TBC1D21: variants seen among roughly 807,000 people sequenced by gnomAD.
TBC1D21 encodes the protein male germ cell Rab GTPase-activating protein.
Under a neutral mutation model 46.0 loss-of-function variants are expected in TBC1D21, and 38 were observed. The ratio of observed to expected loss-of-function variants is 0.83; its 90% CI spans 0.64 to 1.08. TBC1D21 has a LOEUF of 1.08. TBC1D21 is among the 50% of genes least tolerant of loss of function. TBC1D21 has a pLI of 0.00. For missense variants in TBC1D21, 415 were observed against 417.9 expected (o/e 0.99, Z 0.06); for synonymous variants, 151 against 157.2 (o/e 0.96, Z 0.29).
intron 1 of TBC1D21, among the ~76,000 whole-genome samples, 179 bp downstream of exon 1, chr15:73,873,948 C>T (rs145695300): frequency 6.0e-4 from 92 of 152,294 alleles, no homozygotes; most frequent in African/African-American, 2.0e-3. Context: ...CATCCAAGCC[C>T]CCTTTCACCT....
At chr15:73,876,233 T>TG (rs1567062441) in intron 1 of TBC1D21, among the ~76,000 whole-genome samples, 1 of 117,418 alleles carries the variant, frequency 8.5e-6, no homozygotes, top group Non-Finnish European at 1.8e-5. Flanking sequence ...TTTTTTTTTT[T>TG]TTTTTTTTTT....
Position 73,884,832 on chromosome 15 carries a change from T to C in TBC1D21, c.419T>C (p.Ile140Thr), listed in dbSNP as rs761350434. Residue 140 changes from isoleucine (I) to threonine (T), a missense_variant, in exon 5 of 11, where the codon ATC (isoleucine) becomes ACC (threonine). Ile to Thr is a moderately conservative substitution (Grantham distance 89). Transcript: ENST00000300504. ...YDKDPLGNVLIDKKRLEKILL... is the reference protein window; with the variant it reads ...YDKDPLGNVLTDKKRLEKILL... ...AAAGATCCCCTGGGCAACGTCCTCA[T>C]CGACAAGAAGAGGCTAGAGAAGATC... 4 of 1,614,164 alleles carry C rather than the reference T, an allele frequency of 2.5e-6. No individual in the cohort carries two copies. The highest frequency in any genetic ancestry group is 1.7e-6 in the Non-Finnish European group (2 of 1,180,016).
In TBC1D21 at chr15:73,886,076, A is replaced by G. The variant is rs762545276; in HGVS notation, c.580-2A>G. ...CAGTCTGTCTCCCACCATCGTGTGC[A>G]GGAACACAGCTGTGTCATCAACATT... is the stretch of plus-strand genomic sequence containing the variant. On this transcript the variant is annotated splice_acceptor_variant, in intron 6 of 10. Coordinates refer to ENST00000300504, the MANE Select transcript of TBC1D21 (RefSeq NM_153356.3). LOFTEE classifies it high-confidence loss of function. The G allele has an allele frequency of 2.5e-6, 4 of 1,613,904 alleles. No individual in the cohort carries two copies. The highest frequency in any genetic ancestry group is 3.4e-6 in the Non-Finnish European group (4 of 1,179,888).
At chr15:73,904,004 C>T in the TBC1D21 span, among the ~76,000 whole-genome samples, 1 of 152,272 alleles carries the variant, frequency 6.6e-6, no homozygotes, top group East Asian at 1.9e-4. Context: ...GCTGAGATCA[C>T]GCCACTGCAC....
chr15:73,877,606 C>A (rs7179085), intron 1 of TBC1D21, among the ~76,000 whole-genome samples: 138,362 of 146,776 alleles, frequency 0.94, 65,755 homozygotes, highest in East Asian at 1. Context: ...AATTAGAGAT[C>A]TTACAAGAAA....
the TBC1D21 span, among the ~76,000 whole-genome samples, chr15:73,901,031 G>C: frequency 6.6e-6 from 1 of 152,210 alleles, no homozygotes; most frequent in African/African-American, 2.4e-5. Flanking sequence ...TTCCTCAATA[G>C]ATCAGGAAGT....
intron 3 of TBC1D21, among the ~76,000 whole-genome samples, chr15:73,883,318 G>A (rs1244875643): frequency 2.0e-5 from 3 of 152,240 alleles, no homozygotes; most frequent in Admixed American, 6.5e-5. Flanking sequence ...GGCTGCCTTA[G>A]CAAGTACCAC....
At position 73,873,614 on chromosome 15, in the gene TBC1D21, C is replaced by A; in HGVS notation, c.-96C>A. The A allele has an allele frequency of 7.3e-7, 1 of 1,369,974 alleles. No homozygotes were observed. Among genetic ancestry groups the A allele is most frequent in the Non-Finnish European group, 1.0e-6 (1 of 986,770 alleles). 84.9% of individuals were successfully genotyped at this position (1,369,974 alleles called of 1,614,324 possible). On this transcript the variant is annotated 5_prime_UTR_variant, in exon 1 of 11. Coordinates refer to ENST00000300504, the MANE Select transcript of TBC1D21 (RefSeq NM_153356.3). ...TGTGGGAGGTCAGGAGCAGCCAGTT[C>A]CTCCTGGGAATGCAACCCATCTCCG...
intron 3 of TBC1D21, among the ~76,000 whole-genome samples, chr15:73,883,492 C>T (rs1326617640): frequency 1.8e-4 from 27 of 152,238 alleles, no homozygotes. Flanking sequence ...CTGCCTCACT[C>T]CATTCCCTGT....
chr15:73,891,337 A>G (rs1338958973), downstream of TBC1D21, among the ~76,000 whole-genome samples: 1 of 152,160 alleles, frequency 6.6e-6, no homozygotes, highest in Non-Finnish European at 1.5e-5. Flanking sequence ...TTCAGCATGC[A>G]TTTATTCAGT....
chr15:73,878,361 T>C (rs987915831), intron 1 of TBC1D21, among the ~76,000 whole-genome samples: 3 of 152,192 alleles, frequency 2.0e-5, no homozygotes, highest in Non-Finnish European at 4.4e-5. Context: ...GGATCATAAT[T>C]TGCTGACCCC....
the TBC1D21 span, among the ~76,000 whole-genome samples, chr15:73,899,175 G>A: frequency 3.9e-5 from 6 of 152,060 alleles, no homozygotes; most frequent in South Asian, 2.1e-4. Context: ...TGAAGTAGCC[G>A]TGGCCGAGAG....
At chr15:73,884,962 T>TCCCCCCCCCC in intron 5 of TBC1D21, 41 bp from the exon 6 acceptor site, 1 of 1,593,070 alleles carries the variant, frequency 6.3e-7, no homozygotes, top group Non-Finnish European at 8.6e-7. Context: ...GTCCAGGCTC[T>TCCCCCCCCCC]CCCACCCAGC....
In TBC1D21 at chr15:73,881,472, C is replaced by T; in HGVS notation, c.134C>T (p.Ser45Leu). 2 of 1,614,200 alleles carry T rather than the reference C, an allele frequency of 1.2e-6. No homozygotes were observed. The highest frequency in any genetic ancestry group is 1.7e-6 in the Non-Finnish European group (2 of 1,180,030). ...GATGAGAGTGGCCACTTGGCCAAAT[C>T]ACGGGACTTCATTTGTGTTAACATC... ...FFDESGHLAK[S>L]RDFICVNILE... Residue 45 changes from serine to leucine, a missense_variant, in exon 2 of 11, where the codon TCA (serine) becomes TTA (leucine). Ser to Leu is a moderately radical substitution (Grantham distance 145, BLOSUM62 -2). Transcript: ENST00000300504.
the TBC1D21 span, among the ~76,000 whole-genome samples, chr15:73,901,593 G>A: frequency 6.6e-6 from 1 of 152,168 alleles, no homozygotes; most frequent in African/African-American, 2.4e-5. Context: ...AGTTTCACTG[G>A]GTTTGAGTCA....
downstream of TBC1D21, among the ~76,000 whole-genome samples, chr15:73,892,683 A>G (rs1420158662): frequency 6.6e-6 from 1 of 152,152 alleles, no homozygotes; most frequent in South Asian, 2.1e-4. Context: ...TCAACACTCC[A>G]TGTCTGGCTC....
rs1438311032 is a variant in TBC1D21, at chr15:73,888,512, A to T, written c.977A>T (p.Asp326Val). ...GTTTATGCTGAGCTCATCCAGAAGG[A>T]TGTAAGTTGCCCCAATGATGTGTCC... is the stretch of plus-strand genomic sequence containing the variant. ...CVVYAELIQK[D>V]VPQTLKDFFL is the part of the protein sequence containing the mutation. Residue 326 changes from aspartate to valine, a missense_variant and splice_region_variant, in exon 10 of 11, where the codon GAT becomes GTT. Transcript: ENST00000300504. The T allele has an allele frequency of 6.2e-7, 1 of 1,613,688 alleles. No individual in the cohort carries two copies. The highest frequency in any genetic ancestry group is 2.2e-5 in the East Asian group (1 of 44,874).
chr15:73,898,880 A>AAAAAATATATATATATATATATAT, the TBC1D21 span, among the ~76,000 whole-genome samples: 8 of 56,788 alleles, frequency 1.4e-4, no homozygotes, highest in Non-Finnish European at 2.3e-4. Context: ...AAAAAAAAAA[A>AAAAAATATATATATATATATATAT]ATATATATAT....
At position 73,881,727 on chromosome 15, in the gene TBC1D21, C is replaced by G; in HGVS notation, c.252C>G (p.Leu84=). 6.2e-7 allele frequency: 1 copy of G among 1,613,856 alleles called. No homozygotes were observed. Among genetic ancestry groups the G allele is most frequent in the Non-Finnish European group, 8.5e-7 (1 of 1,179,946 alleles). Residue 84 remains leucine (L), a synonymous_variant, in exon 3 of 11, where the codon CTC becomes CTG. Transcript: ENST00000300504. ...GGCAGAGTTCCCAGGATGAGCGGCT[C>G]ACGGTGGACAGCATGAGGAGGTAGA... is the stretch of plus-strand genomic sequence containing the variant. ...FSWQSSQDER[L]TVDSMRRKNY... is the part of the protein sequence containing the mutation.
Sources: gnomAD v4.1 joint callset for allele counts (sites outside exome capture counted in the v4.1 genomes callset) on GRCh38, gnomAD v4.1.1 for gene constraint, MANE v1.5 for transcripts, NCBI Gene and HGNC (gene_info 2026-07-23, HGNC 2026-07-21) for gene names.